AANAT: variants seen among roughly 807,000 people sequenced by gnomAD.
The protein encoded by AANAT is serotonin N-acetyltransferase.
AANAT carries 11 observed loss-of-function variants against 15.6 expected under a neutral mutation model. The ratio of observed to expected loss-of-function variants is 0.71; its 90% CI spans 0.44 to 1.17. The LOEUF is 1.17. AANAT is among the 50% of genes most tolerant of loss of function. The pLI is 0.00. For missense variants in AANAT, 286 were observed against 296.3 expected, an observed-to-expected ratio of 0.97 and a Z score of 0.26; for synonymous variants, 139 against 131.5, an observed-to-expected ratio of 1.06 and a Z score of -0.39.
upstream of AANAT, among the ~76,000 whole-genome samples, chr17:76,464,449 C>A (rs763894286): frequency 6.6e-6 from 1 of 152,114 alleles, no homozygotes; most frequent in South Asian, 2.1e-4. Flanking sequence ...TGAACCCCAT[C>A]TGGCATTTGA....
intron 1 of AANAT, among the ~76,000 whole-genome samples, chr17:76,458,126 A>G (rs965545911): frequency 4.6e-5 from 7 of 152,200 alleles, no homozygotes; most frequent in African/African-American, 1.7e-4. Context: ...TCCTTTTTCC[A>G]ACAACCAAAA....
intron 1 of AANAT, among the ~76,000 whole-genome samples, chr17:76,458,323 T>C (rs1447368423): frequency 6.6e-6 from 1 of 152,174 alleles, no homozygotes; most frequent in African/African-American, 2.4e-5. Context: ...GCTTGACTCC[T>C]TCCCAGACCC....
intron 1 of AANAT, 67 bp from the exon 2 acceptor site, chr17:76,468,605 A>G: frequency 7.2e-7 from 1 of 1,388,432 alleles, no homozygotes; most frequent in Non-Finnish European, 9.7e-7. Flanking sequence ...GAGGCCAGAT[A>G]CATACTCTGG....
chr17:76,460,063 C>A (rs913650561), intron 2 of AANAT, among the ~76,000 whole-genome samples: 4 of 151,954 alleles, frequency 2.6e-5, no homozygotes, highest in African/African-American at 9.7e-5. Context: ...TCCTTCCAAC[C>A]CCCCTTCCCC....
chr17:76,460,266 A>G (rs1421556601), intron 2 of AANAT, among the ~76,000 whole-genome samples: 9 of 147,168 alleles, frequency 6.1e-5, no homozygotes, highest in African/African-American at 1.5e-4. Flanking sequence ...CTTGTGCCTC[A>G]GCCTTCTGAG....
At chr17:76,464,732 T>G (rs2073420603), upstream of AANAT, among the ~76,000 whole-genome samples, 2 of 151,110 alleles carry the variant, frequency 1.3e-5, no homozygotes, top group Admixed American at 6.6e-5. Context: ...ATCCAGTTTG[T>G]GTATCATCTG....
At chr17:76,463,233 C>T (rs1041407106), upstream of AANAT, among the ~76,000 whole-genome samples, 1 of 152,052 alleles carries the variant, frequency 6.6e-6, no homozygotes, top group Non-Finnish European at 1.5e-5. Context: ...CTCTGCACTC[C>T]ACCTCTCACT....
chr17:76,469,167 C>T lies in AANAT; in HGVS notation c.164-6C>T, dbSNP rs199858169. ...ACCAGTCACCCACCTGAGCCTCCTG[C>T]CACAGCCTTCATCTCCGTCTTGGGC... On this transcript the variant is annotated splice_region_variant and splice_polypyrimidine_tract_variant and intron_variant, in intron 2 of 3. Transcript: ENST00000392492. This position sits in a 1 kb window ranked among gnomAD's most constrained non-coding sequence, Gnocchi z 5.2. 6.2e-7 allele frequency: 1 copy of T among 1,613,996 alleles called. No homozygotes were observed. The highest frequency in any genetic ancestry group is 8.5e-7 in the Non-Finnish European group (1 of 1,179,962).
At chr17:76,467,950 G>A (rs966207576) in intron 1 of AANAT, among the ~76,000 whole-genome samples, 1 of 152,084 alleles carries the variant, frequency 6.6e-6, no homozygotes, top group Non-Finnish European at 1.5e-5. Context: ...TGTGGGGCAG[G>A]GGGTGTCCTA....
chr17:76,463,314 T>TTTTA (rs1350137064), upstream of AANAT, among the ~76,000 whole-genome samples: 4 of 145,154 alleles, frequency 2.8e-5, no homozygotes, highest in Non-Finnish European at 6.1e-5. Flanking sequence ...GATTCCTTTT[T>TTTTA]TTTTTTTTTT....
chr17:76,469,246 G>A lies in AANAT; in HGVS notation c.237G>A (p.Glu79=). The change falls in exon 3 of 4, where the codon GAG becomes GAA. Residue 79 remains glutamate (E), a synonymous_variant. Transcript: ENST00000392492. This position sits in a 1 kb window ranked among gnomAD's most constrained non-coding sequence, Gnocchi z 5.2. ...EIRHFLTLCP[E]LSLGWFEEGC... ...GGCACTTCCTGACCCTATGTCCAGA[G>A]CTGTCCCTGGGCTGGTTCGAGGAGG... 1.2e-6 allele frequency: 2 copies of A among 1,614,210 alleles called. No individual in the cohort carries two copies. The highest frequency in any genetic ancestry group is 1.7e-6 in the Non-Finnish European group (2 of 1,180,036).
intron 1 of AANAT, among the ~76,000 whole-genome samples, chr17:76,458,870 G>T (rs1285583421): frequency 6.6e-6 from 1 of 152,242 alleles, no homozygotes; most frequent in Non-Finnish European, 1.5e-5. Context: ...GACTTCAGCT[G>T]GGGGGTGGGG....
At chr17:76,463,645 C>G (rs2073410368), upstream of AANAT, among the ~76,000 whole-genome samples, 1 of 152,086 alleles carries the variant, frequency 6.6e-6, no homozygotes, top group Non-Finnish European at 1.5e-5. Flanking sequence ...CGGAGCCTCC[C>G]TGTTGGCAGA....
intron 2 of AANAT, among the ~76,000 whole-genome samples, chr17:76,460,261 G>A (rs574656500): frequency 6.9e-6 from 1 of 145,036 alleles, no homozygotes; most frequent in Non-Finnish European, 1.5e-5. Context: ...ACATTCTTGT[G>A]CCTCAGCCTT....
At chr17:76,462,359 G>A (rs1213877042) in exon 3 of AANAT, 1 of 152,232 alleles carries the variant, frequency 6.6e-6, no homozygotes, top group Non-Finnish European at 1.5e-5. Context: ...GAAGCTTGGA[G>A]AAAGTGATTC....
At chr17:76,466,818 G>C (rs980198810), upstream of AANAT, among the ~76,000 whole-genome samples, 10 of 152,160 alleles carry the variant, frequency 6.6e-5, no homozygotes, top group African/African-American at 2.4e-4. Context: ...CTCACAGGCT[G>C]CCAGGACAGG....
chr17:76,469,125 C>A lies in AANAT; in HGVS notation c.164-48C>A. On this transcript the variant is annotated intron_variant, in intron 2 of 3. Transcript: ENST00000392492. This position sits in a 1 kb window ranked among gnomAD's most constrained non-coding sequence, Gnocchi z 5.2. ...CACTCGGGGTGCAGCAGACAGTGGA[C>A]GCGAGGCACAGCGACTACCAGTCAC... 2 of 1,608,404 alleles carry A rather than the reference C, an allele frequency of 1.2e-6. No homozygotes were observed. The highest frequency in any genetic ancestry group is 1.7e-6 in the Non-Finnish European group (2 of 1,176,636).
At chr17:76,463,712 T>G (rs1474121353), upstream of AANAT, among the ~76,000 whole-genome samples, 1 of 152,162 alleles carries the variant, frequency 6.6e-6, no homozygotes, top group Non-Finnish European at 1.5e-5. Context: ...GCCCCATTTC[T>G]TGGACATTCT....
rs1598641620 is a variant in AANAT, at chr17:76,469,470, G to A, written c.318+143G>A. The A allele has an allele frequency of 7.7e-7, 1 of 1,302,428 alleles. No homozygotes were observed. The highest frequency in any genetic ancestry group is 2.4e-5 in the East Asian group (1 of 42,358). 80.7% of individuals were successfully genotyped at this position (1,302,428 alleles called of 1,614,324 possible). On this transcript the variant is annotated intron_variant, in intron 3 of 3. Coordinates refer to ENST00000392492, the MANE Select transcript of AANAT (RefSeq NM_001088.3). The surrounding 1 kb of genome is among the most constrained non-coding windows in gnomAD (Gnocchi z 5.2). ...GTACAGGCCACAGGCCCCTCCCAGA[G>A]CAAGACCTTCTGGGTCTTCAAGTTT...
Sources: gnomAD v4.1 joint callset for allele counts (sites outside exome capture counted in the v4.1 genomes callset) on GRCh38, gnomAD v4.1.1 for gene constraint, Gnocchi (gnomAD v3.1) non-coding constraint, MANE v1.5 for transcripts, NCBI Gene and HGNC (gene_info 2026-07-23, HGNC 2026-07-21) for gene names.